The following SPTLC3 variants were observed in gnomAD, a reference collection of about 807,000 sequenced individuals.
SPTLC3 encodes the protein serine palmitoyltransferase 3.
Under a neutral mutation model 59.3 loss-of-function variants are expected in SPTLC3, and 36 were observed. The ratio of observed to expected loss-of-function variants is 0.61; its 90% CI spans 0.47 to 0.80. The LOEUF (loss-of-function observed/expected upper bound fraction) is 0.80. Ranked by LOEUF, SPTLC3 falls within the 30% of genes least tolerant of loss-of-function variation. The pLI, the probability that SPTLC3 is intolerant of heterozygous loss-of-function variation, is 0.00. For missense variants in SPTLC3, 625 were observed against 685.1 expected, an observed-to-expected ratio of 0.91 and a Z score of 0.98; for synonymous variants, 257 against 240.8, an observed-to-expected ratio of 1.07 and a Z score of -0.62.
chr20:13,075,424 A>G lies in SPTLC3; in HGVS notation c.607+927A>G, dbSNP rs571210168. 1.6e-4 allele frequency among the ~76,000 whole-genome samples: 25 copies of G among 152,348 alleles called. 1 individual carries two copies. The highest frequency in any genetic ancestry group is 2.5e-4 in the Non-Finnish European group (17 of 68,034). ...AACCACATGTCCCTCTTAGGTAACCAATTAGTAGAGAGTTTTAGAAACTAT... is the reference window on the plus strand; with the variant it reads ...AACCACATGTCCCTCTTAGGTAACCGATTAGTAGAGAGTTTTAGAAACTAT... On this transcript the variant is annotated intron_variant, in intron 4 of 11. Transcript: ENST00000399002.
At chr20:13,089,162 A>G (rs575830933) in intron 4 of SPTLC3, among the ~76,000 whole-genome samples, 2 of 152,224 alleles carry the variant, frequency 1.3e-5, no homozygotes, top group East Asian at 1.9e-4. Flanking sequence ...CATACTTTGT[A>G]TAGTAAACTA....
intron 5 of SPTLC3, among the ~76,000 whole-genome samples, chr20:13,091,775 T>C (rs1285457999): frequency 6.6e-6 from 1 of 152,164 alleles, no homozygotes; most frequent in Admixed American, 6.6e-5. Context: ...GTCATAATTT[T>C]GGGCTCCTGA....
At chr20:13,023,765 C>T (rs986279388) in intron 1 of SPTLC3, among the ~76,000 whole-genome samples, 2 of 152,144 alleles carry the variant, frequency 1.3e-5, no homozygotes, top group Admixed American at 1.3e-4. Context: ...TGATATACTC[C>T]AAGCTTGGAG....
chr20:13,125,749 A>G (rs1328788528), intron 8 of SPTLC3, among the ~76,000 whole-genome samples: 3 of 152,194 alleles, frequency 2.0e-5, no homozygotes, highest in African/African-American at 7.2e-5. Flanking sequence ...GAGAGTTCTG[A>G]GAGGACAAAA....
At chr20:13,071,006 T>C (rs775271278) in intron 2 of SPTLC3, among the ~76,000 whole-genome samples, 2 of 152,120 alleles carry the variant, frequency 1.3e-5, no homozygotes, top group African/African-American at 2.4e-5. Context: ...CTTCCTTGAT[T>C]CCTCCAACAA....
intron 6 of SPTLC3, among the ~76,000 whole-genome samples, chr20:13,095,508 A>T (rs1322104545): frequency 6.6e-6 from 1 of 152,188 alleles, no homozygotes; most frequent in East Asian, 1.9e-4. Flanking sequence ...GTAAGCATAC[A>T]TACATATATA....
chr20:13,076,865 C>T (rs970813240), intron 4 of SPTLC3, among the ~76,000 whole-genome samples: 8 of 152,064 alleles, frequency 5.3e-5, no homozygotes, highest in African/African-American at 1.9e-4. Context: ...AGGAAGAGCC[C>T]AGGAGGCAGG....
chr20:13,050,248 A>G (rs1987426194), intron 2 of SPTLC3: 1 of 152,178 alleles, frequency 6.6e-6, no homozygotes, highest in Admixed American at 6.5e-5. Context: ...ACAATCAAAA[A>G]TTCAAGAAAC....
intron 1 of SPTLC3, among the ~76,000 whole-genome samples, chr20:13,023,518 A>G (rs1042706135): frequency 3.3e-5 from 5 of 152,226 alleles, no homozygotes; most frequent in African/African-American, 1.2e-4. Context: ...GTTCTTTGCA[A>G]GAACTCCCAT....
chr20:13,157,474 T>C (rs189913919), intron 10 of SPTLC3, among the ~76,000 whole-genome samples: 12 of 152,216 alleles, frequency 7.9e-5, no homozygotes, highest in African/African-American at 2.6e-4. Context: ...ACACAGGTTG[T>C]AGGCAGCAGA....
intron 1 of SPTLC3, among the ~76,000 whole-genome samples, chr20:13,024,127 G>T (rs1180160829): frequency 6.6e-6 from 1 of 152,146 alleles, no homozygotes; most frequent in East Asian, 1.9e-4. Flanking sequence ...AACCACGTGA[G>T]GTTGATACTG....
intron 2 of SPTLC3, 90 bp downstream of exon 2, chr20:13,049,220 A>C: frequency 7.2e-7 from 1 of 1,387,316 alleles, no homozygotes; most frequent in Non-Finnish European, 1.0e-6. Flanking sequence ...AGATCCTAGA[A>C]AGCATGAGGT....
intron 2 of SPTLC3, among the ~76,000 whole-genome samples, chr20:13,060,227 T>C (rs1216481237): frequency 6.6e-6 from 1 of 152,172 alleles, no homozygotes; most frequent in Non-Finnish European, 1.5e-5. Flanking sequence ...GCATTTCAGT[T>C]CACAGTTTAT....
At position 13,167,908 on chromosome 20, in the gene SPTLC3, C is replaced by A. The variant is rs1332199972; in HGVS notation, c.*3041C>A. The A allele has an allele frequency of 6.6e-6, 1 of 152,152 alleles. No individual in the cohort carries two copies. The highest frequency in any genetic ancestry group is 1.5e-5 in the Non-Finnish European group (1 of 68,040). The allele number at this position is 152,152 out of a possible 1,614,324, so 9.4% of individuals were successfully genotyped here. A position where few individuals can be genotyped will look rare whatever the true frequency, so the allele number is the denominator to read the frequency against. ...AACTCTAATTTGATAAACCAATTGA[C>A]TCTAATAGCAGGAACCTTGTTCTGA... On this transcript the variant is annotated 3_prime_UTR_variant, in exon 12 of 12. Transcript: ENST00000399002.
intron 7 of SPTLC3, among the ~76,000 whole-genome samples, chr20:13,116,734 G>A (rs1990574118): frequency 6.6e-6 from 1 of 152,216 alleles, no homozygotes; most frequent in Non-Finnish European, 1.5e-5. Flanking sequence ...ATCTACAGCA[G>A]TGGCCCTCTA....
At chr20:13,112,171 C>T (rs1421306660) in intron 7 of SPTLC3, among the ~76,000 whole-genome samples, 5 of 152,228 alleles carry the variant, frequency 3.3e-5, no homozygotes, top group Non-Finnish European at 7.3e-5. Flanking sequence ...AGTTCTTCTA[C>T]TCCACATGGC....
chr20:13,066,735 C>G (rs1272458032), intron 2 of SPTLC3, among the ~76,000 whole-genome samples: 1 of 151,790 alleles, frequency 6.6e-6, no homozygotes, highest in Non-Finnish European at 1.5e-5. Context: ...AGAAATTTCT[C>G]CCTTCTCTTC....
intron 6 of SPTLC3, among the ~76,000 whole-genome samples, chr20:13,100,550 C>T (rs1989565872): frequency 6.6e-6 from 1 of 152,106 alleles, no homozygotes; most frequent in African/African-American, 2.4e-5. Flanking sequence ...GGCAACATAG[C>T]AAGACCTCAT....
intron 2 of SPTLC3, among the ~76,000 whole-genome samples, chr20:13,053,357 A>C (rs2327682): frequency 0.62 from 93,744 of 151,742 alleles, 29,381 homozygotes; most frequent in Admixed American, 0.66. Context: ...CAACATCAAC[A>C]AAAAGGACGT....
Sources: gnomAD v4.1 joint callset for allele counts (sites outside exome capture counted in the v4.1 genomes callset) on GRCh38, gnomAD v4.1.1 for gene constraint, MANE v1.5 for transcripts, NCBI Gene and HGNC (gene_info 2026-07-23, HGNC 2026-07-21) for gene names.